The following MROH2B variants were observed in gnomAD, a reference collection of about 807,000 sequenced individuals.
MROH2B encodes the protein maestro heat-like repeat-containing protein family member 2B.
A neutral mutation model predicts 208.6 loss-of-function variants in MROH2B; 177 were observed. The observed-to-expected ratio is 0.85, with a 90% CI of 0.75 to 0.96. MROH2B has a LOEUF of 0.96. Among genes scored for constraint, MROH2B ranks in the 40% least tolerant of loss-of-function variants. MROH2B has a pLI of 0.00. For missense variants in MROH2B, 2,002 were observed against 1,878.7 expected (o/e 1.07, Z -1.21); for synonymous variants, 728 against 659.0 (o/e 1.10, Z -1.60).
Position 41,055,773 on chromosome 5 carries a change from C to G in MROH2B, c.1002G>C (p.Leu334Phe). Residue 334 changes from leucine to phenylalanine, a missense_variant, in exon 10 of 42, where the codon TTG becomes TTC. Physicochemically the swap from Leu to Phe is conservative, Grantham distance 22. Coordinates refer to ENST00000399564, the MANE Select transcript of MROH2B (RefSeq NM_173489.5). ...SNNEAIRVGI[L>F]TLLRLAVNAD... ...CATTGACAGCCAATCTTAACAAAGT[C>G]AAGATTCCCACTCGAATGGCTTCAT... The G allele has an allele frequency of 1.2e-6, 2 of 1,613,674 alleles. No homozygotes were observed. The highest frequency in any genetic ancestry group is 8.5e-7 in the Non-Finnish European group (1 of 1,179,716).
chr5:41,060,071 C>T (rs1743587971), intron 6 of MROH2B, among the ~76,000 whole-genome samples: 1 of 152,136 alleles, frequency 6.6e-6, no homozygotes, highest in Non-Finnish European at 1.5e-5. Flanking sequence ...AATTGATGAT[C>T]CCAAGATCAC....
chr5:41,017,966 G>T lies in MROH2B; in HGVS notation c.2768C>A (p.Pro923Gln). Residue 923 changes from proline to glutamine, a missense_variant, in exon 28 of 42, where the codon CCA becomes CAA. Transcript: ENST00000399564. ...AKVLTNDIEA[P>Q]ENFKIGSLLG... is the part of the protein sequence containing the mutation. ...CAGTGAACCAATTTTAAAGTTCTCT[G>T]GTGCCTGCAGGATAAAGGAGGCATC... 1 of 1,572,346 alleles carries T rather than the reference G, an allele frequency of 6.4e-7. No homozygotes were observed. Among genetic ancestry groups the T allele is most frequent in the Non-Finnish European group, 8.6e-7 (1 of 1,157,464 alleles).
Position 41,007,446 on chromosome 5 carries a change from GTT to G in MROH2B, c.3615_3616del (p.Thr1206CysfsTer20). On this transcript the variant is annotated frameshift_variant, in exon 34 of 42. Transcript: ENST00000399564. LOFTEE classifies it high-confidence loss of function. ...GGCTTGCAAACATTTTAAAGTAGCA[GTT>G]GAAAGCCTAAAGGAGACAGTCAGCA... 1 of 1,573,308 alleles carries G rather than the reference GTT, an allele frequency of 6.4e-7. No homozygotes were observed. The highest frequency in any genetic ancestry group is 8.6e-7 in the Non-Finnish European group (1 of 1,161,448).
At chr5:41,016,671 G>T (rs1244681649) in intron 28 of MROH2B, among the ~76,000 whole-genome samples, 2 of 151,624 alleles carry the variant, frequency 1.3e-5, no homozygotes, top group Admixed American at 6.6e-5. Flanking sequence ...GGAGACAATG[G>T]GGTTTCACCA....
At position 41,018,729 on chromosome 5, in the gene MROH2B, C is replaced by T. The variant is rs866059852; in HGVS notation, c.2635G>A (p.Asp879Asn). Reference sequence around the variant, plus strand: ...TGACAGTCCTCTGCATTCACATTATCCCACATCATGGTCTTCAGAAGTTTT... The same window carrying T: ...TGACAGTCCTCTGCATTCACATTATTCCACATCATGGTCTTCAGAAGTTTT... ...LGKLLKTMMW[D>N]NVNAEDCQEM... The change falls in exon 26 of 42, where the codon GAT becomes AAT. Residue 879 changes from aspartate to asparagine, a missense_variant. By Grantham distance (23) the Asp-to-Asn change is conservative. Coordinates refer to ENST00000399564, the MANE Select transcript of MROH2B (RefSeq NM_173489.5). 6.2e-7 allele frequency: 1 copy of T among 1,613,936 alleles called. No homozygotes were observed. Among genetic ancestry groups the T allele is most frequent in the Admixed American group, 1.7e-5 (1 of 60,000 alleles).
intron 24 of MROH2B, among the ~76,000 whole-genome samples, chr5:41,026,216 T>C (rs1161444229): frequency 6.6e-6 from 1 of 152,122 alleles, no homozygotes; most frequent in African/African-American, 2.4e-5. Context: ...AAATAAAGGG[T>C]ATTCAATTAG....
At position 41,061,635 on chromosome 5, in the gene MROH2B, C is replaced by T; in HGVS notation, c.550G>A (p.Asp184Asn). 6.2e-7 allele frequency: 1 copy of T among 1,613,970 alleles called. No homozygotes were observed. The highest frequency in any genetic ancestry group is 1.3e-5 in the African/African-American group (1 of 75,056). ...TACCAGAACAGCATGAAGATCTTGT[C>T]AGACAGTCGGTTGGCATCCAGTCTG... ...YPRLDANRLS[D>N]KIFMLFWYIM... is the part of the protein sequence containing the mutation. Residue 184 changes from aspartate to asparagine, a missense_variant, in exon 6 of 42, where the codon GAC becomes AAC. Physicochemically the swap from Asp to Asn is conservative, Grantham distance 23. Coordinates refer to ENST00000399564, the MANE Select transcript of MROH2B (RefSeq NM_173489.5).
At chr5:41,062,343 G>A (rs894306334) in intron 5 of MROH2B, among the ~76,000 whole-genome samples, 1 of 152,164 alleles carries the variant, frequency 6.6e-6, no homozygotes, top group African/African-American at 2.4e-5. Context: ...TTTGAAGTTA[G>A]GATTGTGGTT....
rs1285735396 is a variant in MROH2B at position 41,039,452 on chromosome 5, C to CATCG, written c.2053_2056dup (p.Cys686SerfsTer3). On this transcript the variant is annotated frameshift_variant, in exon 20 of 42. Coordinates refer to ENST00000399564, the MANE Select transcript of MROH2B (RefSeq NM_173489.5). LOFTEE classifies it high-confidence loss of function. ...GAAGGAGATGATTCTTCTTACCTTA[C>CATCG]ATCGATTCATGAAAAACTTTTCCTG... is the stretch of plus-strand genomic sequence containing the variant. 3.2e-6 allele frequency: 5 copies of CATCG among 1,565,978 alleles called. No homozygotes were observed. The highest frequency in any genetic ancestry group is 4.4e-6 in the Non-Finnish European group (5 of 1,146,000).
chr5:41,069,844 A>C, intron 1 of MROH2B, 92 bp from the exon 2 acceptor site: 1 of 941,326 alleles, frequency 1.1e-6, no homozygotes, highest in Non-Finnish European at 1.7e-6. Context: ...TCATTCATTC[A>C]TTTATCCTCT....
intron 34 of MROH2B, 102 bp from the exon 35 acceptor site, chr5:41,005,747 T>G: frequency 2.0e-6 from 2 of 1,006,470 alleles, no homozygotes; most frequent in Non-Finnish European, 3.0e-6. Context: ...AAAGGAATGC[T>G]TGGCTGGGGG....
rs1045554568 is a variant in MROH2B at position 41,052,358 on chromosome 5, C to G, written c.1230+107G>C. ...AAAATTTATTTATTTATTTTTTACT[C>G]TACTCCTGTGACAGATTAAGGATCC... On this transcript the variant is annotated intron_variant, in intron 12 of 41. Coordinates refer to ENST00000399564, the MANE Select transcript of MROH2B (RefSeq NM_173489.5). The G allele has an allele frequency of 3.2e-5, 34 of 1,076,644 alleles. No homozygotes were observed. The African/African-American group carries it at 4.7e-4, about 15-fold the overall frequency. The allele number at this position is 1,076,644 out of a possible 1,614,324, so 66.7% of individuals were successfully genotyped here.
At position 41,067,203 on chromosome 5, in the gene MROH2B, G is replaced by A; in HGVS notation, c.106C>T (p.His36Tyr). The change falls in exon 3 of 42, where the codon CAT (histidine) becomes TAT (tyrosine). Residue 36 changes from histidine to tyrosine, a missense_variant. His to Tyr is a moderately conservative substitution (Grantham distance 83). Transcript: ENST00000399564. Reference protein sequence around the residue: ...DIVNKEDIYSHLTSVIQNTDI... With the variant: ...DIVNKEDIYSYLTSVIQNTDI... ...GTATTCTGAATAACAGAAGTGAGAT[G>A]ACTGTAAATGTCTTCCTGTGAATAT... The A allele has an allele frequency of 6.5e-7, 1 of 1,547,882 alleles. No homozygotes were observed. The highest frequency in any genetic ancestry group is 8.8e-7 in the Non-Finnish European group (1 of 1,142,726).
intron 40 of MROH2B, among the ~76,000 whole-genome samples, chr5:40,998,999 T>TG (rs924979467): frequency 8.1e-4 from 124 of 152,236 alleles, no homozygotes; most frequent in African/African-American, 2.9e-3. Flanking sequence ...AATGTGTTGG[T>TG]GGGGGGATCA....
chr5:41,021,186 C>A (rs1467599418), intron 24 of MROH2B, among the ~76,000 whole-genome samples: 1 of 152,070 alleles, frequency 6.6e-6, no homozygotes, highest in Non-Finnish European at 1.5e-5. Flanking sequence ...AGGAAATGAA[C>A]AATTTCATTT....
At chr5:41,012,268 T>C (rs2111841366) in intron 30 of MROH2B, among the ~76,000 whole-genome samples, 1 of 152,326 alleles carries the variant, frequency 6.6e-6, no homozygotes, top group Admixed American at 6.5e-5. Flanking sequence ...GTCATCCACA[T>C]GGTCACTCTT....
intron 9 of MROH2B, 72 bp downstream of exon 9, chr5:41,057,037 C>T: frequency 6.9e-7 from 1 of 1,451,650 alleles, no homozygotes; most frequent in Admixed American, 1.8e-5. Flanking sequence ...GACAGTTTGC[C>T]CTCCTTTTAC....
At chr5:41,049,958 A>G (rs1171775248) in intron 13 of MROH2B, among the ~76,000 whole-genome samples, 1 of 152,180 alleles carries the variant, frequency 6.6e-6, no homozygotes, top group African/African-American at 2.4e-5. Flanking sequence ...TGTCCCTTAG[A>G]AAACTCTCTT....
At position 41,061,627 on chromosome 5, in the gene MROH2B, G is replaced by C. The variant is rs1743644168; in HGVS notation, c.558C>G (p.Ile186Met). 3.7e-6 allele frequency: 6 copies of C among 1,613,858 alleles called. No homozygotes were observed. Among genetic ancestry groups the C allele is most frequent in the African/African-American group, 1.3e-5 (1 of 74,928 alleles). Residue 186 changes from isoleucine (I) to methionine (M), a missense_variant, in exon 6 of 42, where the codon ATC becomes ATG. Ile to Met is a conservative substitution (Grantham distance 10, BLOSUM62 1). Transcript: ENST00000399564. ...RLDANRLSDK[I>M]FMLFWYIMEK... is the part of the protein sequence containing the mutation. ...CCATTATATACCAGAACAGCATGAAGATCTTGTCAGACAGTCGGTTGGCAT... is the reference window on the plus strand; with the variant it reads ...CCATTATATACCAGAACAGCATGAACATCTTGTCAGACAGTCGGTTGGCAT...
Sources: gnomAD v4.1 joint callset for allele counts (sites outside exome capture counted in the v4.1 genomes callset) on GRCh38, gnomAD v4.1.1 for gene constraint, MANE v1.5 for transcripts, NCBI Gene and HGNC (gene_info 2026-07-23, HGNC 2026-07-21) for gene names.